LRATD2: variants seen among roughly 807,000 people sequenced by gnomAD.
The protein encoded by LRATD2 is LRAT domain containing 2, also known as protein LRATD2.
Under a neutral mutation model 12.0 loss-of-function variants are expected in LRATD2, and 10 were observed. That is an observed-to-expected ratio of 0.83 (90% confidence interval 0.51 to 1.41). LRATD2 has a LOEUF of 1.41. Ranked by LOEUF, LRATD2 falls within the 40% of genes most tolerant of loss-of-function variation. The pLI is 0.00. For synonymous variants in LRATD2, 220 were observed against 205.8 expected (o/e 1.07, Z -0.59); for missense variants, 455 against 446.1 (o/e 1.02, Z -0.18).
Position 126,555,172 on chromosome 8 carries a change from G to C in LRATD2, c.*1285C>G, listed in dbSNP as rs1817359185. On this transcript the variant is annotated 3_prime_UTR_variant, in exon 2 of 2. Transcript: ENST00000304916. ...TTTAACAAAGGGCTCTGAAGGAGGT[G>C]TTCTCCAAGCAACAAGGAGACTGCT... The C allele has an allele frequency of 6.6e-6, 1 of 152,188 alleles. No homozygotes were observed. Among genetic ancestry groups the C allele is most frequent in the South Asian group, 2.1e-4 (1 of 4,826 alleles). The allele number at this position is 152,188 out of a possible 1,614,324, so 9.4% of individuals were successfully genotyped here.
At position 126,556,743 on chromosome 8, in the gene LRATD2, T is replaced by G. The variant is rs1427346641; in HGVS notation, c.647A>C (p.Lys216Thr). 1 of 1,602,842 alleles carries G rather than the reference T, an allele frequency of 6.2e-7. No individual in the cohort carries two copies. The highest frequency in any genetic ancestry group is 1.1e-5 in the South Asian group (1 of 90,180). The part of the protein sequence containing the change: ...AWCRYGKREF[K>T]IGGELRIGKQ... ...GCCGATGCGCAGCTCGCCGCCGATC[T>G]TGAACTCGCGCTTGCCGTAGCGGCA... Residue 216 changes from lysine to threonine, a missense_variant, in exon 2 of 2, where the codon AAG (lysine) becomes ACG (threonine). Transcript: ENST00000304916. This position sits in a 1 kb window ranked among gnomAD's most constrained non-coding sequence, Gnocchi z 5.6.
In LRATD2 at chr8:126,556,354, G is replaced by GGGGCCCCCT; in HGVS notation, c.*102_*103insAGGGGGCCC. The GGGGCCCCCT allele has an allele frequency of 7.6e-7, 1 of 1,313,018 alleles. No individual in the cohort carries two copies. The highest frequency in any genetic ancestry group is 1.6e-5 in the African/African-American group (1 of 64,276). The allele number at this position is 1,313,018 out of a possible 1,614,324, so 81.3% of individuals were successfully genotyped here. ...TCCAAAGGGCCCAGGAATCCCAGATGGGGCCCAGACAGTGGCAAAAGAGGG... is the reference window on the plus strand; with the variant it reads ...TCCAAAGGGCCCAGGAATCCCAGATGGGGCCCCCTGGGCCCAGACAGTGGCAAAAGAGGG... On this transcript the variant is annotated 3_prime_UTR_variant, in exon 2 of 2. Coordinates refer to ENST00000304916, the MANE Select transcript of LRATD2 (RefSeq NM_174911.5). The surrounding 1 kb of genome is among the most constrained non-coding windows in gnomAD (Gnocchi z 5.6).
chr8:126,556,602 G>C lies in LRATD2; in HGVS notation c.788C>G (p.Ala263Gly), dbSNP rs941132916. The change falls in exon 2 of 2, where the codon GCG (alanine) becomes GGG (glycine). Residue 263 changes from alanine (A) to glycine (G), a missense_variant. Coordinates refer to ENST00000304916, the MANE Select transcript of LRATD2 (RefSeq NM_174911.5). This position sits in a 1 kb window ranked among gnomAD's most constrained non-coding sequence, Gnocchi z 5.6. ...EKRRNDQIGR[A>G]AVLQELATHL... ...CGTGGCGAGCTCCTGCAGCACGGCC[G>C]CGCGCCCGATCTGGTCGTTGCGTCG... The C allele has an allele frequency of 6.2e-7, 1 of 1,610,030 alleles. No homozygotes were observed. Among genetic ancestry groups the C allele is most frequent in the Non-Finnish European group, 8.5e-7 (1 of 1,178,156 alleles).
chr8:126,557,564 G>C lies in LRATD2; in HGVS notation c.-96-79C>G. On this transcript the variant is annotated intron_variant, in intron 1 of 1. Coordinates refer to ENST00000304916, the MANE Select transcript of LRATD2 (RefSeq NM_174911.5). This position sits in a 1 kb window ranked among gnomAD's most constrained non-coding sequence, Gnocchi z 5.3. ...CGTTTTGTTCCGAAAAAGAATCGGT[G>C]GGGGCTCAGCACCTGGAGCCATTTT... 1.4e-6 allele frequency: 1 copy of C among 693,146 alleles called. No homozygotes were observed. Among genetic ancestry groups the C allele is most frequent in the Non-Finnish European group, 2.4e-6 (1 of 417,666 alleles). The allele number at this position is 693,146 out of a possible 1,614,324, so 42.9% of individuals were successfully genotyped here. A position where few individuals can be genotyped will look rare whatever the true frequency, so the allele number is the denominator to read the frequency against.
In LRATD2 at chr8:126,552,977, GAAAA is replaced by G. The variant is rs1378224641; in HGVS notation, c.*3476_*3479del. On this transcript the variant is annotated 3_prime_UTR_variant, in exon 2 of 2. Coordinates refer to ENST00000304916, the MANE Select transcript of LRATD2 (RefSeq NM_174911.5). Reference sequence around the variant, plus strand: ...AACACAGTGGATTCCATTTTATTAAGAAAAAAAATAGAAAACAAGTAGTCCTTAA... The same window carrying G: ...AACACAGTGGATTCCATTTTATTAAGAAAATAGAAAACAAGTAGTCCTTAA... 6.6e-6 allele frequency: 1 copy of G among 152,256 alleles called. No individual in the cohort carries two copies. The highest frequency in any genetic ancestry group is 2.4e-5 in the African/African-American group (1 of 41,316). The allele number at this position is 152,256 out of a possible 1,614,324, so 9.4% of individuals were successfully genotyped here.
In LRATD2 at chr8:126,557,811, C is replaced by T; in HGVS notation, c.-97+223G>A. On this transcript the variant is annotated intron_variant, in intron 1 of 1. Transcript: ENST00000304916. The surrounding 1 kb of genome is among the most constrained non-coding windows in gnomAD (Gnocchi z 5.3). ...AGAGAAACTTTACGCCAATCCCCCC[C>T]CTCCTCTGCTAACTTCCCCTCCCAC... 1 of 180,548 alleles carries T rather than the reference C, an allele frequency of 5.5e-6. No homozygotes were observed. The highest frequency in any genetic ancestry group is 1.3e-4 in the South Asian group (1 of 7,716). 11.2% of individuals were successfully genotyped at this position (180,548 alleles called of 1,614,324 possible). A position where few individuals can be genotyped will look rare whatever the true frequency, so the allele number is the denominator to read the frequency against.
rs954533066 is a variant in LRATD2, at chr8:126,558,412, C to G, written c.-475G>C. On this transcript the variant is annotated 5_prime_UTR_variant, in exon 1 of 2. Transcript: ENST00000304916. ...GCAACAAGCACCGGAGCTGGAGGGACGGGATTGTAGATCCGGCTCCGGGCT... is the reference window on the plus strand; with the variant it reads ...GCAACAAGCACCGGAGCTGGAGGGAGGGGATTGTAGATCCGGCTCCGGGCT... The G allele has an allele frequency of 3.9e-5, 6 of 152,158 alleles. No homozygotes were observed. The highest frequency in any genetic ancestry group is 8.8e-5 in the Non-Finnish European group (6 of 68,046). 9.4% of individuals were successfully genotyped at this position (152,158 alleles called of 1,614,324 possible). A position where few individuals can be genotyped will look rare whatever the true frequency, so the allele number is the denominator to read the frequency against.
chr8:126,556,923 G>C lies in LRATD2; in HGVS notation c.467C>G (p.Thr156Ser). ...HRLEVINSFL[T>S]DASQGRRGRV... ...GCCGCGACGGCCCTGGCTGGCGTCA[G>C]TCAGGAAGCTGTTAATCACCTCCAG... Residue 156 changes from threonine (T) to serine (S), a missense_variant, in exon 2 of 2, where the codon ACT (threonine) becomes AGT (serine). Coordinates refer to ENST00000304916, the MANE Select transcript of LRATD2 (RefSeq NM_174911.5). This position sits in a 1 kb window ranked among gnomAD's most constrained non-coding sequence, Gnocchi z 5.6. 1 of 1,610,094 alleles carries C rather than the reference G, an allele frequency of 6.2e-7. No individual in the cohort carries two copies. The highest frequency in any genetic ancestry group is 8.5e-7 in the Non-Finnish European group (1 of 1,179,948).
rs980121723 is a variant in LRATD2, at chr8:126,555,583, C to T, written c.*874G>A. 1 of 152,682 alleles carries T rather than the reference C, an allele frequency of 6.5e-6. No homozygotes were observed. Among genetic ancestry groups the T allele is most frequent in the Non-Finnish European group, 1.5e-5 (1 of 68,086 alleles). 9.5% of individuals were successfully genotyped at this position (152,682 alleles called of 1,614,324 possible). On this transcript the variant is annotated 3_prime_UTR_variant, in exon 2 of 2. Coordinates refer to ENST00000304916, the MANE Select transcript of LRATD2 (RefSeq NM_174911.5). ...TAGATCAAAGACACAAAGGGCTATT[C>T]CCTCCTTTCATAACAACGCAGCTGT...
rs1817417741 is a variant in LRATD2, at chr8:126,556,906, G to C, written c.484C>G (p.Arg162Gly). 6 of 1,609,294 alleles carry C rather than the reference G, an allele frequency of 3.7e-6. No individual in the cohort carries two copies. The highest frequency in any genetic ancestry group is 5.1e-6 in the Non-Finnish European group (6 of 1,179,878). The change falls in exon 2 of 2, where the codon CGT (arginine) becomes GGT (glycine). Residue 162 changes from arginine (R) to glycine (G), a missense_variant. Transcript: ENST00000304916. This position sits in a 1 kb window ranked among gnomAD's most constrained non-coding sequence, Gnocchi z 5.6. ...AGATCGTTGACCACGCGGCCGCGAC[G>C]GCCCTGGCTGGCGTCAGTCAGGAAG... ...NSFLTDASQGRRGRVVNDLYR... is the reference protein window; with the variant it reads ...NSFLTDASQGGRGRVVNDLYR...
chr8:126,557,461 G>C lies in LRATD2; in HGVS notation c.-72C>G. 1 of 1,521,064 alleles carries C rather than the reference G, an allele frequency of 6.6e-7. No individual in the cohort carries two copies. The highest frequency in any genetic ancestry group is 8.9e-7 in the Non-Finnish European group (1 of 1,121,634). 94.2% of individuals were successfully genotyped at this position (1,521,064 alleles called of 1,614,324 possible). A position where few individuals can be genotyped will look rare whatever the true frequency, so the allele number is the denominator to read the frequency against. ...ACCAACTCCAGGGTCATTTGCACAGGTCCCCGGACAGGGGCTGAGGCTACC... is the reference window on the plus strand; with the variant it reads ...ACCAACTCCAGGGTCATTTGCACAGCTCCCCGGACAGGGGCTGAGGCTACC... On this transcript the variant is annotated 5_prime_UTR_variant, in exon 2 of 2. Coordinates refer to ENST00000304916, the MANE Select transcript of LRATD2 (RefSeq NM_174911.5). The surrounding 1 kb of genome is among the most constrained non-coding windows in gnomAD (Gnocchi z 5.3).
At position 126,557,054 on chromosome 8, in the gene LRATD2, C is replaced by T. The variant is rs746764673; in HGVS notation, c.336G>A (p.Leu112=). The part of the protein sequence containing the change: ...AALSTYTPEN[L]LNKCKPGDLV... ...GATCGCCCGGCTTGCACTTGTTGAGCAGGTTCTCGGGCGTGTAGGTACTCA... is the reference window on the plus strand; with the variant it reads ...GATCGCCCGGCTTGCACTTGTTGAGTAGGTTCTCGGGCGTGTAGGTACTCA... Residue 112 remains leucine (L), a synonymous_variant, in exon 2 of 2, where the codon CTG becomes CTA. Coordinates refer to ENST00000304916, the MANE Select transcript of LRATD2 (RefSeq NM_174911.5). The surrounding 1 kb of genome is among the most constrained non-coding windows in gnomAD (Gnocchi z 5.3). 2.5e-6 allele frequency: 4 copies of T among 1,608,018 alleles called. No homozygotes were observed. In the East Asian group the frequency reaches 8.9e-5, roughly 36 times the overall value.
In LRATD2 at chr8:126,556,637, G is replaced by C; in HGVS notation, c.753C>G (p.Ile251Met). The change falls in exon 2 of 2, where the codon ATC becomes ATG. Residue 251 changes from isoleucine (I) to methionine (M), a missense_variant. Transcript: ENST00000304916. This position sits in a 1 kb window ranked among gnomAD's most constrained non-coding sequence, Gnocchi z 5.6. ...TCTGGTCGTTGCGTCGCTTCTCCAT[G>C]ATCAGGTCCTCTAGACTCTGGAACT... ...TLEFQSLEDL[I>M]MEKRRNDQIG... 6.2e-7 allele frequency: 1 copy of C among 1,611,926 alleles called. No individual in the cohort carries two copies. Among genetic ancestry groups the C allele is most frequent in the Admixed American group, 1.7e-5 (1 of 59,932 alleles).
rs1162141053 is a variant in LRATD2, at chr8:126,554,474, C to T, written c.*1983G>A. 6.6e-6 allele frequency: 1 copy of T among 152,206 alleles called. No homozygotes were observed. Among genetic ancestry groups the T allele is most frequent in the Non-Finnish European group, 1.5e-5 (1 of 68,024 alleles). The allele number at this position is 152,206 out of a possible 1,614,324, so 9.4% of individuals were successfully genotyped here. On this transcript the variant is annotated 3_prime_UTR_variant, in exon 2 of 2. Coordinates refer to ENST00000304916, the MANE Select transcript of LRATD2 (RefSeq NM_174911.5). ...GTATTAAATATGGACACTAGATTTA[C>T]ATTTCCAACAAGAAATTCATCTCCC... is the stretch of plus-strand genomic sequence containing the variant.
chr8:126,557,684 C>G lies in LRATD2; in HGVS notation c.-96-199G>C. 1 of 439,186 alleles carries G rather than the reference C, an allele frequency of 2.3e-6. No homozygotes were observed. The highest frequency in any genetic ancestry group is 3.2e-5 in the South Asian group (1 of 31,586). 27.2% of individuals were successfully genotyped at this position (439,186 alleles called of 1,614,324 possible). A position where few individuals can be genotyped will look rare whatever the true frequency, so the allele number is the denominator to read the frequency against. ...TGGGCAACTCCTGTTCTCCCTGTCC[C>G]CAGCCCTTCGCCTGGCCCTGGCAAA... On this transcript the variant is annotated intron_variant, in intron 1 of 1. Transcript: ENST00000304916. The surrounding 1 kb of genome is among the most constrained non-coding windows in gnomAD (Gnocchi z 5.3).
chr8:126,555,752 GAGCC>G lies in LRATD2; in HGVS notation c.*701_*704del, dbSNP rs1214385267. The G allele has an allele frequency of 1.3e-4, 20 of 152,788 alleles. No individual in the cohort carries two copies. The highest frequency in any genetic ancestry group is 4.6e-4 in the African/African-American group (19 of 41,572). The allele number at this position is 152,788 out of a possible 1,614,324, so 9.5% of individuals were successfully genotyped here. ...AGGAGGTAGCAGGAGCCTCAGCTAA[GAGCC>G]AGCTCCAGAAGGCTAATTACTTGGG... On this transcript the variant is annotated 3_prime_UTR_variant, in exon 2 of 2. Coordinates refer to ENST00000304916, the MANE Select transcript of LRATD2 (RefSeq NM_174911.5).
In LRATD2 at chr8:126,554,843, A is replaced by G. The variant is rs1189002770; in HGVS notation, c.*1614T>C. ...AGTTTACAACGACTCCCAAGAGAGG[A>G]AAAAAAAAAAAAGACGCCTCAAAAT... On this transcript the variant is annotated 3_prime_UTR_variant, in exon 2 of 2. Transcript: ENST00000304916. 2 of 86,532 alleles carry G rather than the reference A, an allele frequency of 2.3e-5. No homozygotes were observed. The highest frequency in any genetic ancestry group is 4.6e-4 in the East Asian group (1 of 2,154). The allele number at this position is 86,532 out of a possible 1,614,324, so 5.4% of individuals were successfully genotyped here.
rs538075498 is a variant in LRATD2 at position 126,555,043 on chromosome 8, T to A, written c.*1414A>T. The A allele has an allele frequency of 6.6e-6, 1 of 152,316 alleles. No individual in the cohort carries two copies. The highest frequency in any genetic ancestry group is 2.4e-5 in the African/African-American group (1 of 41,574). The allele number at this position is 152,316 out of a possible 1,614,324, so 9.4% of individuals were successfully genotyped here. A position where few individuals can be genotyped will look rare whatever the true frequency, so the allele number is the denominator to read the frequency against. On this transcript the variant is annotated 3_prime_UTR_variant, in exon 2 of 2. Coordinates refer to ENST00000304916, the MANE Select transcript of LRATD2 (RefSeq NM_174911.5). ...AAAACCAAGTAGTATCTGCTCAGCC[T>A]GCCGCTAACAGATCTCACAATCACC...
In LRATD2 at chr8:126,553,805, AT is replaced by A. The variant is rs1817329222; in HGVS notation, c.*2651del. 6.6e-6 allele frequency: 1 copy of A among 152,206 alleles called. No individual in the cohort carries two copies. Among genetic ancestry groups the A allele is most frequent in the Non-Finnish European group, 1.5e-5 (1 of 68,038 alleles). 9.4% of individuals were successfully genotyped at this position (152,206 alleles called of 1,614,324 possible). On this transcript the variant is annotated 3_prime_UTR_variant, in exon 2 of 2. Transcript: ENST00000304916. ...CAGCATCTGAAAAGATCTATTTCCT[AT>A]TCTAGTTCATTTCCAAGCCCTGTTA...
Sources: allele counts gnomAD v4.1 joint callset, GRCh38; gene constraint gnomAD v4.1.1; non-coding constraint Gnocchi (gnomAD v3.1); transcripts MANE v1.5; gene names NCBI Gene and HGNC (gene_info 2026-07-23, HGNC 2026-07-21).